The following GPATCH2 variants were observed in gnomAD, a reference collection of about 807,000 sequenced individuals.
The protein encoded by GPATCH2 is G-patch domain containing 2.
In GPATCH2, 51 loss-of-function variants were observed where a neutral mutation model predicts 58.0. That is an observed-to-expected ratio of 0.88 (90% confidence interval 0.70 to 1.11). GPATCH2 has a LOEUF of 1.11. GPATCH2 is among the 50% of genes most tolerant of loss of function. The pLI is 0.00. For synonymous variants in GPATCH2, 222 were observed against 218.5 expected (o/e 1.02, Z -0.14); for missense variants, 625 against 652.2 (o/e 0.96, Z 0.45).
intron 5 of GPATCH2, among the ~76,000 whole-genome samples, chr1:217,588,200 T>A (rs868645554): frequency 6.6e-6 from 1 of 152,258 alleles, no homozygotes; most frequent in Middle Eastern, 3.4e-3. Flanking sequence ...AAAAGACAGA[T>A]CAATGAAGAA....
chr1:217,495,639 A>G (rs1279083821), intron 7 of GPATCH2, among the ~76,000 whole-genome samples: 1 of 152,156 alleles, frequency 6.6e-6, no homozygotes, highest in African/African-American at 2.4e-5. Context: ...TAACTTTCAC[A>G]TTTCTCTTTC....
intron 5 of GPATCH2, among the ~76,000 whole-genome samples, chr1:217,607,768 C>T (rs1428193413): frequency 2.0e-5 from 3 of 152,138 alleles, no homozygotes; most frequent in Non-Finnish European, 2.9e-5. Context: ...TATAATACAA[C>T]TGAAAACTTT....
chr1:217,572,278 G>A (rs1356678134), intron 5 of GPATCH2, among the ~76,000 whole-genome samples: 2 of 152,090 alleles, frequency 1.3e-5, no homozygotes, highest in Admixed American at 1.3e-4. Context: ...TGTGTAACTC[G>A]AGAGAGTAGA....
chr1:217,463,641 C>CAAAAAAAAAAAA (rs201402598), intron 8 of GPATCH2, among the ~76,000 whole-genome samples: 33 of 82,468 alleles, frequency 4.0e-4, no homozygotes, highest in Non-Finnish European at 6.2e-4. Flanking sequence ...CTTATCACTC[C>CAAAAAAAAAAAA]AAAAAAAAAA....
In GPATCH2 at chr1:217,502,396, G is replaced by A. The variant is rs143839737; in HGVS notation, c.1167-4001C>T. On this transcript the variant is annotated intron_variant, in intron 6 of 9. Transcript: ENST00000366935. The stretch of plus-strand genomic sequence containing the variant: ...TTGTAGATCTCTTTTGATTTCTTTC[G>A]CCATTTTAATCTCCCATTTTATTTT... 1.7e-3 allele frequency among the ~76,000 whole-genome samples: 250 copies of A among 150,924 alleles called. 3 individuals carry two copies. In the East Asian group the frequency reaches 0.017, roughly 10 times the overall value.
intron 5 of GPATCH2, among the ~76,000 whole-genome samples, chr1:217,519,008 T>C (rs1663319088): frequency 6.6e-6 from 1 of 152,218 alleles, no homozygotes; most frequent in South Asian, 2.1e-4. Flanking sequence ...CTTACGGCAA[T>C]TATTAATTTG....
At chr1:217,557,579 A>T (rs569686068) in intron 5 of GPATCH2, among the ~76,000 whole-genome samples, 3 of 152,184 alleles carry the variant, frequency 2.0e-5, no homozygotes, top group Non-Finnish European at 2.9e-5. Context: ...TATTAAACCC[A>T]CTTGGAATCA....
chr1:217,447,645 C>T (rs1395197796), intron 9 of GPATCH2, among the ~76,000 whole-genome samples: 1 of 152,212 alleles, frequency 6.6e-6, no homozygotes, highest in Admixed American at 6.5e-5. Context: ...GTTTCCTAAT[C>T]TTGAAAATTC....
At chr1:217,527,056 T>A (rs1200425264) in intron 5 of GPATCH2, among the ~76,000 whole-genome samples, 1 of 144,300 alleles carries the variant, frequency 6.9e-6, no homozygotes, top group Non-Finnish European at 1.6e-5. Context: ...AGTTGTAGAA[T>A]TATTTCATTA....
chr1:217,587,165 A>ATTTGCTG (rs1667378679), intron 5 of GPATCH2, among the ~76,000 whole-genome samples: 1 of 152,188 alleles, frequency 6.6e-6, no homozygotes, highest in East Asian at 1.9e-4. Flanking sequence ...CCTGACTACA[A>ATTTGCTG]ACAGGTTCCC....
intron 8 of GPATCH2, among the ~76,000 whole-genome samples, chr1:217,476,932 T>C (rs1486600677): frequency 2.0e-5 from 3 of 152,050 alleles, no homozygotes; most frequent in African/African-American, 7.2e-5. Flanking sequence ...ACTCCTCTCC[T>C]AACTCCAAGC....
At chr1:217,630,863 C>T in intron 1 of GPATCH2, 53 bp downstream of exon 1, 2 of 1,356,904 alleles carry the variant, frequency 1.5e-6, no homozygotes, top group Non-Finnish European at 2.0e-6. Context: ...GGAGCGGCCT[C>T]GGGCAATCAC....
intron 5 of GPATCH2, among the ~76,000 whole-genome samples, chr1:217,567,613 G>A (rs1346541825): frequency 6.6e-6 from 1 of 152,186 alleles, no homozygotes. Context: ...ATATGTAATG[G>A]TGAGGACTGT....
chr1:217,524,261 G>A (rs1312228614), intron 5 of GPATCH2, among the ~76,000 whole-genome samples: 2 of 145,662 alleles, frequency 1.4e-5, no homozygotes, highest in African/African-American at 5.0e-5. Context: ...CTTCTCAGAC[G>A]GGGCGGCCGG....
intron 5 of GPATCH2, among the ~76,000 whole-genome samples, chr1:217,563,471 G>A (rs1666031916): frequency 6.6e-6 from 1 of 152,052 alleles, no homozygotes. Context: ...AAAAAACCTA[G>A]AGGTTAATGA....
chr1:217,506,693 C>T (rs4846415), intron 6 of GPATCH2, among the ~76,000 whole-genome samples: 25,948 of 152,196 alleles, frequency 0.17, 3,030 homozygotes, highest in East Asian at 0.5. Flanking sequence ...ACATGACCTA[C>T]CAGACTTGGC....
intron 5 of GPATCH2, among the ~76,000 whole-genome samples, chr1:217,606,660 G>C (rs1571643035): frequency 6.6e-6 from 1 of 152,048 alleles, no homozygotes; most frequent in Non-Finnish European, 1.5e-5. Context: ...AGCATTGCTT[G>C]AGCCTGGGAG....
chr1:217,431,424 G>T, intron 9 of GPATCH2, 59 bp from the exon 10 acceptor site: 1 of 994,564 alleles, frequency 1.0e-6, no homozygotes, highest in Non-Finnish European at 1.6e-6. Context: ...AAGATATTAG[G>T]CTATGAAAAC....
rs111357928 is a variant in GPATCH2, at chr1:217,499,172, T to C, written c.1167-777A>G. Among the ~76,000 whole-genome samples, 1,454 of 152,302 alleles carry C rather than the reference T, an allele frequency of 9.5e-3. 11 individuals carry two copies. Among genetic ancestry groups the C allele is most frequent in the Non-Finnish European group, 0.013 (863 of 68,006 alleles). ...GACTAGGAGATTGAGAGAGGTATTA[T>C]GGCAAATCAATCACTAAAGGCCCAC... On this transcript the variant is annotated intron_variant, in intron 6 of 9. Coordinates refer to ENST00000366935, the MANE Select transcript of GPATCH2 (RefSeq NM_018040.5).
Sources: gnomAD v4.1 joint callset for allele counts (sites outside exome capture counted in the v4.1 genomes callset) on GRCh38, gnomAD v4.1.1 for gene constraint, MANE v1.5 for transcripts, NCBI Gene and HGNC (gene_info 2026-07-23, HGNC 2026-07-21) for gene names.